GRID2: variants seen among roughly 807,000 people sequenced by gnomAD.
GRID2 encodes the protein glutamate ionotropic receptor delta type subunit 2.
In GRID2, 33 loss-of-function variants were observed where a neutral mutation model predicts 114.8. That is an observed-to-expected ratio of 0.29 (90% CI 0.22 to 0.38). GRID2 has a LOEUF of 0.38. GRID2 is among the 10% of genes least tolerant of loss of function. GRID2 has a pLI of 1.00. For synonymous variants in GRID2, 505 were observed against 449.9 expected (o/e 1.12, Z -1.55); for missense variants, 1,184 against 1,257.7 (o/e 0.94, Z 0.89).
chr4:93,749,176 G>T (rs1018677336), intron 14 of GRID2, among the ~76,000 whole-genome samples: 1 of 151,864 alleles, frequency 6.6e-6, no homozygotes, highest in African/African-American at 2.4e-5. Context: ...AGAGGTTAGG[G>T]GATTTTTAAA....
intron 8 of GRID2, among the ~76,000 whole-genome samples, chr4:93,296,610 A>T (rs1438802179): frequency 6.6e-6 from 1 of 152,170 alleles, no homozygotes; most frequent in Non-Finnish European, 1.5e-5. Flanking sequence ...ACAAACAAAC[A>T]TATATGATTA....
chr4:93,480,342 A>T (rs573050574), intron 11 of GRID2, among the ~76,000 whole-genome samples: 1 of 152,158 alleles, frequency 6.6e-6, no homozygotes, highest in African/African-American at 2.4e-5. Context: ...GAATATATAC[A>T]CTGGGTTAGT....
At chr4:92,537,156 T>A (rs1725676773) in intron 1 of GRID2, among the ~76,000 whole-genome samples, 1 of 152,184 alleles carries the variant, frequency 6.6e-6, no homozygotes. Context: ...TTTTACAACT[T>A]TTTTCTTGAC....
At chr4:93,643,959 C>T (rs1347838027) in intron 14 of GRID2, among the ~76,000 whole-genome samples, 1 of 102,216 alleles carries the variant, frequency 9.8e-6, no homozygotes, top group Non-Finnish European at 1.9e-5. Context: ...GCTAGCAATC[C>T]GCGAGATTCC....
chr4:93,300,661 C>CTGTA lies in GRID2; in HGVS notation c.1245+62172_1245+62175dup, dbSNP rs1278979820. 2.0e-5 allele frequency among the ~76,000 whole-genome samples: 3 copies of CTGTA among 152,178 alleles called. No individual in the cohort carries two copies. The East Asian group carries it at 5.8e-4, about 29-fold the overall frequency. ...CTTTGTGGACTATTGGCCCATAATA[C>CTGTA]TGTAGCAGGACGAGCCGCAGACAAA... is the stretch of plus-strand genomic sequence containing the variant. On this transcript the variant is annotated intron_variant, in intron 8 of 15. Transcript: ENST00000282020.
intron 2 of GRID2, among the ~76,000 whole-genome samples, chr4:92,861,828 C>G (rs995431166): frequency 2.0e-5 from 3 of 151,952 alleles, no homozygotes; most frequent in African/African-American, 7.2e-5. Flanking sequence ...ACCTTCCCAC[C>G]TCATTGAAAT....
intron 2 of GRID2, among the ~76,000 whole-genome samples, chr4:92,880,661 C>A (rs1056537743): frequency 2.6e-5 from 4 of 152,010 alleles, no homozygotes. Flanking sequence ...ATAAATATGG[C>A]CTTTTCAAAA....
intron 13 of GRID2, among the ~76,000 whole-genome samples, chr4:93,564,084 CTCAG>C (rs1735178699): frequency 6.6e-6 from 1 of 151,754 alleles, no homozygotes; most frequent in African/African-American, 2.4e-5. Flanking sequence ...ACTTGGCCTC[CTCAG>C]TACTATCCTT....
At chr4:92,405,794 G>A (rs1363516861) in intron 1 of GRID2, among the ~76,000 whole-genome samples, 3 of 151,790 alleles carry the variant, frequency 2.0e-5, no homozygotes, top group Non-Finnish European at 4.4e-5. Context: ...TCACTTCAAA[G>A]TATTTTTAGA....
At chr4:92,357,654 C>G (rs1017776677) in intron 1 of GRID2, among the ~76,000 whole-genome samples, 3 of 151,550 alleles carry the variant, frequency 2.0e-5, no homozygotes, top group African/African-American at 7.3e-5. Flanking sequence ...ATGACATGAA[C>G]AGTTAGAATT....
At chr4:93,121,737 A>AT (rs1418384018) in intron 4 of GRID2, among the ~76,000 whole-genome samples, 1 of 152,202 alleles carries the variant, frequency 6.6e-6, no homozygotes, top group Non-Finnish European at 1.5e-5. Flanking sequence ...CAAAGTGTTT[A>AT]TACCAATTTT....
intron 1 of GRID2, among the ~76,000 whole-genome samples, chr4:92,495,602 G>A (rs993720851): frequency 7.2e-5 from 11 of 151,842 alleles, no homozygotes; most frequent in Admixed American, 5.3e-4. Context: ...AATGAGATCC[G>A]GGTACATAAG....
intron 2 of GRID2, among the ~76,000 whole-genome samples, chr4:93,034,152 G>C (rs1404150973): frequency 6.6e-6 from 1 of 152,124 alleles, no homozygotes; most frequent in Non-Finnish European, 1.5e-5. Context: ...ACAACATAGG[G>C]AAAGAAGAAT....
In GRID2 at chr4:92,304,319, G is replaced by T; in HGVS notation, c.-338G>T. ...ACCGGAGACCCGCGGCCCCCGCGCA[G>T]CGATGGGTCTGATCTGAGCCCCAGC... On this transcript the variant is annotated 5_prime_UTR_variant, in exon 1 of 16. Transcript: ENST00000282020. The T allele has an allele frequency of 3.7e-6, 1 of 273,014 alleles. No homozygotes were observed. The highest frequency in any genetic ancestry group is 6.9e-6 in the Non-Finnish European group (1 of 145,020). The allele number at this position is 273,014 out of a possible 1,614,324, so 16.9% of individuals were successfully genotyped here. A position where few individuals can be genotyped will look rare whatever the true frequency, so the allele number is the denominator to read the frequency against.
intron 1 of GRID2, among the ~76,000 whole-genome samples, chr4:92,400,221 C>T (rs1445635466): frequency 6.6e-6 from 1 of 152,072 alleles, no homozygotes; most frequent in African/African-American, 2.4e-5. Context: ...TTGTATCACT[C>T]CAAAAAAGAA....
chr4:92,394,453 A>G (rs185088684), intron 1 of GRID2, among the ~76,000 whole-genome samples: 1 of 152,088 alleles, frequency 6.6e-6, no homozygotes, highest in Admixed American at 6.6e-5. Flanking sequence ...ACTTTTTTTC[A>G]CAGAAGCTAA....
chr4:92,942,929 C>T lies in GRID2; in HGVS notation c.245-142066C>T, dbSNP rs190951492. Among the ~76,000 whole-genome samples the T allele has an allele frequency of 2.9e-3, 442 of 152,228 alleles. 1 individual carries two copies. Among genetic ancestry groups the T allele is most frequent in the Non-Finnish European group, 4.7e-3 (321 of 68,016 alleles). On this transcript the variant is annotated intron_variant, in intron 2 of 15. Coordinates refer to ENST00000282020, the MANE Select transcript of GRID2 (RefSeq NM_001510.4). ...CTCTTCTGGCTTGTAGAGTTTCTGC[C>T]GAGAGATCTGCTGTTATTCTGATGG...
chr4:92,539,557 C>T (rs1018551678), intron 1 of GRID2, among the ~76,000 whole-genome samples: 1 of 151,790 alleles, frequency 6.6e-6, no homozygotes, highest in African/African-American at 2.4e-5. Context: ...TTTCATTTCT[C>T]TATTGGATTA....
intron 2 of GRID2, among the ~76,000 whole-genome samples, chr4:92,903,946 C>T (rs1028639783): frequency 1.1e-4 from 17 of 151,904 alleles, no homozygotes; most frequent in African/African-American, 3.1e-4. Flanking sequence ...TGCTTATGAC[C>T]GTTTATCTAA....
Sources: gnomAD v4.1 joint callset for allele counts (sites outside exome capture counted in the v4.1 genomes callset) on GRCh38, gnomAD v4.1.1 for gene constraint, MANE v1.5 for transcripts, NCBI Gene and HGNC (gene_info 2026-07-23, HGNC 2026-07-21) for gene names.